CEP164: variants seen among roughly 807,000 people sequenced by gnomAD.
The protein encoded by CEP164 is centrosomal protein of 164 kDa.
CEP164 carries 162 observed loss-of-function variants against 182.7 expected under a neutral mutation model. The observed-to-expected ratio is 0.89, with a 90% CI of 0.78 to 1.01. CEP164 has a LOEUF of 1.01. Among genes scored for constraint, CEP164 ranks in the 50% least tolerant of loss-of-function variants. CEP164 has a pLI of 0.00. For synonymous variants in CEP164, 661 were observed against 690.0 expected (o/e 0.96, Z 0.66); for missense variants, 1,735 against 1,790.4 (o/e 0.97, Z 0.56).
chr11:117,402,946 C>A (rs1408859346), intron 27 of CEP164, among the ~76,000 whole-genome samples: 1 of 152,120 alleles, frequency 6.6e-6, no homozygotes, highest in Non-Finnish European at 1.5e-5. Flanking sequence ...CTTTTTTAAT[C>A]TTTGTTGGTT....
chr11:117,344,944 GTAAA>G (rs1226847005), intron 4 of CEP164, among the ~76,000 whole-genome samples: 1 of 151,410 alleles, frequency 6.6e-6, no homozygotes, highest in African/African-American at 2.4e-5. Flanking sequence ...AAAAACCAAA[GTAAA>G]TAAATAAAAC....
chr11:117,336,632 GT>G (rs2037169349), intron 2 of CEP164: 1 of 1,145,662 alleles, frequency 8.7e-7, no homozygotes, highest in Non-Finnish European at 1.3e-6. Flanking sequence ...GATTCCACAT[GT>G]TTAGGTGTGT....
chr11:117,348,062 CGGGTTCA>C (rs1565443897), intron 4 of CEP164, among the ~76,000 whole-genome samples: 5 of 151,948 alleles, frequency 3.3e-5, no homozygotes, highest in African/African-American at 1.2e-4. Flanking sequence ...CTCTACCTCC[CGGGTTCA>C]AGCGATCCTC....
intron 25 of CEP164, 149 bp downstream of exon 25, chr11:117,396,329 G>A: frequency 4.3e-6 from 4 of 935,588 alleles, no homozygotes; most frequent in Non-Finnish European, 6.5e-6. Flanking sequence ...GTGGGCCAAG[G>A]CATCAGGAAG....
chr11:117,378,034 T>G (rs1051013012), intron 11 of CEP164, among the ~76,000 whole-genome samples: 2 of 151,894 alleles, frequency 1.3e-5, no homozygotes, highest in Non-Finnish European at 2.9e-5. Context: ...CTAATTTTTT[T>G]TTTTTTGTAT....
At chr11:117,381,567 A>T in intron 12 of CEP164, 134 bp from the exon 13 acceptor site, 1 of 1,073,218 alleles carries the variant, frequency 9.3e-7, no homozygotes, top group Non-Finnish European at 1.3e-6. Context: ...CTCTCCATGG[A>T]TGGATGTGGG....
chr11:117,362,321 A>G (rs2041085598), intron 6 of CEP164, 83 bp from the exon 7 acceptor site: 1 of 1,442,234 alleles, frequency 6.9e-7, no homozygotes, highest in Non-Finnish European at 9.5e-7. Context: ...AGACATTGAC[A>G]TAGAGAGTGG....
chr11:117,410,435 C>T (rs1015834181), intron 30 of CEP164: 1 of 276,400 alleles, frequency 3.6e-6, no homozygotes, highest in Non-Finnish European at 6.9e-6. Flanking sequence ...GTAGTATGCT[C>T]CAGGGTACCC....
chr11:117,387,030 T>C, intron 14 of CEP164, 173 bp from the exon 15 acceptor site: 1 of 632,014 alleles, frequency 1.6e-6, no homozygotes, highest in Admixed American at 2.8e-5. Flanking sequence ...GCTTGTCCTA[T>C]GGAACAAGCA....
chr11:117,401,931 T>C (rs1056726299), intron 27 of CEP164, among the ~76,000 whole-genome samples: 1 of 152,188 alleles, frequency 6.6e-6, no homozygotes, highest in African/African-American at 2.4e-5. Flanking sequence ...AGCTCCTGGA[T>C]TGATTGATTT....
chr11:117,381,297 C>T (rs1009965443), intron 12 of CEP164, among the ~76,000 whole-genome samples: 1 of 152,224 alleles, frequency 6.6e-6, no homozygotes, highest in Non-Finnish European at 1.5e-5. Context: ...CTATCCATGA[C>T]AGCTTCATGC....
At chr11:117,407,806 C>G (rs993504513) in intron 27 of CEP164, 119 bp from the exon 28 acceptor site, 70 of 640,296 alleles carry the variant, frequency 1.1e-4, no homozygotes, top group Non-Finnish European at 9.4e-5. Flanking sequence ...TTCTCTGTTC[C>G]AGATGAGAAA....
At chr11:117,330,076 C>T (rs559154869) in intron 1 of CEP164, among the ~76,000 whole-genome samples, 7 of 152,074 alleles carry the variant, frequency 4.6e-5, no homozygotes, top group African/African-American at 1.4e-4. Context: ...GTTCCTCTGC[C>T]GTGAATTCCC....
intron 1 of CEP164, among the ~76,000 whole-genome samples, chr11:117,331,237 A>C (rs142453006): frequency 6.6e-6 from 1 of 152,364 alleles, no homozygotes; most frequent in African/African-American, 2.4e-5. Flanking sequence ...ATGGAAGAGA[A>C]CTGGGAATAC....
chr11:117,387,286 T>G lies in CEP164; in HGVS notation c.1808T>G (p.Leu603Arg). 1.2e-6 allele frequency: 2 copies of G among 1,614,184 alleles called. No homozygotes were observed. Among genetic ancestry groups the G allele is most frequent in the South Asian group, 2.2e-5 (2 of 91,082 alleles). ...ATGGAAGAGGCAGTGGCCCAAGTAC[T>G]CGAGCAAGACCAGAGGCACCTGCTG... ...KAMEEAVAQV[L>R]EQDQRHLLES... is the part of the protein sequence containing the mutation. The change falls in exon 15 of 33, where the codon CTC (leucine) becomes CGC (arginine). Residue 603 changes from leucine to arginine, a missense_variant. Coordinates refer to ENST00000278935, the MANE Select transcript of CEP164 (RefSeq NM_014956.5).
At chr11:117,360,703 G>A (rs73586280) in intron 5 of CEP164, among the ~76,000 whole-genome samples, 159 of 152,156 alleles carry the variant, frequency 1.0e-3, no homozygotes, top group African/African-American at 3.0e-3. Context: ...GTGCATGTCC[G>A]TAGTTAAAAA....
intron 7 of CEP164, among the ~76,000 whole-genome samples, chr11:117,362,859 C>A (rs926112978): frequency 1.3e-5 from 2 of 152,160 alleles, no homozygotes; most frequent in Non-Finnish European, 2.9e-5. Context: ...AATCTGCTTA[C>A]TGTGTCTATG....
At chr11:117,398,424 G>T (rs1313829966) in intron 27 of CEP164, among the ~76,000 whole-genome samples, 4 of 152,148 alleles carry the variant, frequency 2.6e-5, no homozygotes, top group Admixed American at 2.0e-4. Flanking sequence ...GGAGGACGGT[G>T]GCCCTCTTCT....
intron 5 of CEP164, chr11:117,355,179 C>T: frequency 3.1e-6 from 4 of 1,289,830 alleles, no homozygotes; most frequent in Non-Finnish European, 4.0e-6. Flanking sequence ...CAGGTCTTTG[C>T]TGACATGGAG....
Sources: gnomAD v4.1 joint callset for allele counts (sites outside exome capture counted in the v4.1 genomes callset) on GRCh38, gnomAD v4.1.1 for gene constraint, MANE v1.5 for transcripts, NCBI Gene and HGNC (gene_info 2026-07-23, HGNC 2026-07-21) for gene names.